The following SLC13A5 variants were observed in gnomAD, a reference collection of about 807,000 sequenced individuals.
The protein encoded by SLC13A5 is solute carrier family 13 member 5.
A neutral mutation model predicts 56.5 loss-of-function variants in SLC13A5; 25 were observed. The ratio of observed to expected loss-of-function variants is 0.44; its 90% CI spans 0.32 to 0.62. SLC13A5 has a LOEUF of 0.62. Ranked by LOEUF, SLC13A5 falls within the 20% of genes least tolerant of loss-of-function variation. SLC13A5 has a pLI of 0.04. For missense variants in SLC13A5, 649 were observed against 737.8 expected, an observed-to-expected ratio of 0.88 and a Z score of 1.39; for synonymous variants, 307 against 301.5, an observed-to-expected ratio of 1.02 and a Z score of -0.19.
In SLC13A5 at chr17:6,693,079, G is replaced by A. The variant is rs1206208725; in HGVS notation, c.1240C>T (p.Leu414=). Residue 414 remains leucine (L), a synonymous_variant, in exon 9 of 12, where the codon CTA becomes TTA. Coordinates refer to ENST00000433363, the MANE Select transcript of SLC13A5 (RefSeq NM_177550.5). ...TTAGCCAGAGCAAATCCGCCCCCTA[G>A]TAGCAGCACGATGCCCCAGGGCACT... ...EKVPWGIVLL[L]GGGFALAKGS... is the part of the protein sequence containing the mutation. 3.1e-5 allele frequency: 50 copies of A among 1,613,962 alleles called. No homozygotes were observed. The highest frequency in any genetic ancestry group is 4.2e-5 in the Non-Finnish European group (49 of 1,180,018).
In SLC13A5 at chr17:6,690,931, G is replaced by T; in HGVS notation, c.1285C>A (p.Leu429Met). ...ALAKGSEASG[L>M]SVWMGKQMEP... ...ATCTGCTTCCCCATCCACACGGACA[G>T]CCCCGAGGCCTGGGAAGCACCAGGA... The change falls in exon 10 of 12, where the codon CTG becomes ATG. Residue 429 changes from leucine to methionine, a missense_variant. Physicochemically the swap from Leu to Met is conservative, Grantham distance 15. Transcript: ENST00000433363. The T allele has an allele frequency of 6.2e-7, 1 of 1,605,998 alleles. No individual in the cohort carries two copies. Among genetic ancestry groups the T allele is most frequent in the African/African-American group, 1.3e-5 (1 of 74,828 alleles).
At position 6,701,234 on chromosome 17, in the gene SLC13A5, G is replaced by A. The variant is rs1973705351; in HGVS notation, c.717-108C>T. ...TGGGCCCTGAGAGGCGCGCCTGTGTGGAGGCCACATCCTCCTGAGGTCTAG... is the reference window on the plus strand; with the variant it reads ...TGGGCCCTGAGAGGCGCGCCTGTGTAGAGGCCACATCCTCCTGAGGTCTAG... On this transcript the variant is annotated intron_variant, in intron 5 of 11. Coordinates refer to ENST00000433363, the MANE Select transcript of SLC13A5 (RefSeq NM_177550.5). This position sits in a 1 kb window ranked among gnomAD's most constrained non-coding sequence, Gnocchi z 4.1. The A allele has an allele frequency of 6.8e-7, 1 of 1,471,540 alleles. No individual in the cohort carries two copies. Among genetic ancestry groups the A allele is most frequent in the Non-Finnish European group, 9.2e-7 (1 of 1,088,322 alleles). The allele number at this position is 1,471,540 out of a possible 1,614,324, so 91.2% of individuals were successfully genotyped here. A position where few individuals can be genotyped will look rare whatever the true frequency, so the allele number is the denominator to read the frequency against.
Position 6,692,033 on chromosome 17 carries a change from G to A in SLC13A5, c.1275+1011C>T, listed in dbSNP as rs73976239. ...CTCCCTAGTCTGTGAAGTCTGCCACGAACAGGGACCGTATCTCAATCTCCT... is the reference window on the plus strand; with the variant it reads ...CTCCCTAGTCTGTGAAGTCTGCCACAAACAGGGACCGTATCTCAATCTCCT... On this transcript the variant is annotated intron_variant, in intron 9 of 11. Transcript: ENST00000433363. This position sits in a 1 kb window ranked among gnomAD's most constrained non-coding sequence, Gnocchi z 5.5. 8.7e-4 allele frequency among the ~76,000 whole-genome samples: 133 copies of A among 152,214 alleles called. No individual in the cohort carries two copies. Among genetic ancestry groups the A allele is most frequent in the African/African-American group, 2.9e-3 (122 of 41,524 alleles).
At chr17:6,712,513 T>A (rs182509756) in intron 1 of SLC13A5, among the ~76,000 whole-genome samples, 266 of 152,356 alleles carry the variant, frequency 1.7e-3, no homozygotes, top group Non-Finnish European at 2.6e-3. Flanking sequence ...CTCCAGGTCC[T>A]GCCACCCAAG....
intron 7 of SLC13A5, among the ~76,000 whole-genome samples, chr17:6,694,723 C>G (rs1256723356): frequency 1.3e-5 from 2 of 152,202 alleles, no homozygotes; most frequent in East Asian, 3.9e-4. Flanking sequence ...ACTTCCCCCT[C>G]TCAGCGTGCA....
Position 6,701,937 on chromosome 17 carries a change from G to T in SLC13A5, c.717-811C>A, listed in dbSNP as rs1973725655. The stretch of plus-strand genomic sequence containing the variant: ...CCCCGGGGCTCTGCTAGCCCCAGGG[G>T]CGCCCCCTTTAGCTCAAGAGTGTCA... On this transcript the variant is annotated intron_variant, in intron 5 of 11. Transcript: ENST00000433363. This position sits in a 1 kb window ranked among gnomAD's most constrained non-coding sequence, Gnocchi z 4.1. Among the ~76,000 whole-genome samples the T allele has an allele frequency of 6.6e-6, 1 of 152,122 alleles. No individual in the cohort carries two copies. The highest frequency in any genetic ancestry group is 1.5e-5 in the Non-Finnish European group (1 of 68,016).
In SLC13A5 at chr17:6,690,903, T is replaced by C; in HGVS notation, c.1313A>G (p.Glu438Gly). The change falls in exon 10 of 12, where the codon GAG becomes GGG. Residue 438 changes from glutamate to glycine, a missense_variant. Coordinates refer to ENST00000433363, the MANE Select transcript of SLC13A5 (RefSeq NM_177550.5). ...GLSVWMGKQM[E>G]PLHAVPPAAI... ...TGCCGGGGGCACTGCGTGCAAGGGC[T>C]CCATCTGCTTCCCCATCCACACGGA... 1 of 1,613,396 alleles carries C rather than the reference T, an allele frequency of 6.2e-7. No individual in the cohort carries two copies. The highest frequency in any genetic ancestry group is 1.1e-5 in the South Asian group (1 of 91,034).
chr17:6,693,229 A>C lies in SLC13A5; in HGVS notation c.1157-67T>G, dbSNP rs1343029143. Reference sequence around the variant, plus strand: ...CACACACACACACACACACACACACACCAGAGCAGCATTAGAAGACAAAAG... The same window carrying C: ...CACACACACACACACACACACACACCCCAGAGCAGCATTAGAAGACAAAAG... On this transcript the variant is annotated intron_variant, in intron 8 of 11. Coordinates refer to ENST00000433363, the MANE Select transcript of SLC13A5 (RefSeq NM_177550.5). 39 of 898,450 alleles carry C rather than the reference A, an allele frequency of 4.3e-5. 1 individual carries two copies. The South Asian group carries it at 5.4e-4, about 12-fold the overall frequency. The allele number at this position is 898,450 out of a possible 1,614,324, so 55.7% of individuals were successfully genotyped here. A position where few individuals can be genotyped will look rare whatever the true frequency, so the allele number is the denominator to read the frequency against.
Position 6,701,682 on chromosome 17 carries a change from C to T in SLC13A5, c.717-556G>A, listed in dbSNP as rs1044186350. Among the ~76,000 whole-genome samples the T allele has an allele frequency of 6.6e-6, 1 of 152,198 alleles. No homozygotes were observed. The highest frequency in any genetic ancestry group is 2.4e-5 in the African/African-American group (1 of 41,448). Reference sequence around the variant, plus strand: ...CCAACATCGCGCCACTGCACTCCAGCCTGGGCGACAGAGCGAGACTTGTCT... The same window carrying T: ...CCAACATCGCGCCACTGCACTCCAGTCTGGGCGACAGAGCGAGACTTGTCT... On this transcript the variant is annotated intron_variant, in intron 5 of 11. Transcript: ENST00000433363. The surrounding 1 kb of genome is among the most constrained non-coding windows in gnomAD (Gnocchi z 4.1).
Position 6,686,251 on chromosome 17 carries a change from C to T in SLC13A5, c.1663G>A (p.Asp555Asn). The change falls in exon 12 of 12, where the codon GAT becomes AAT. Residue 555 changes from aspartate (D) to asparagine (N), a missense_variant. Coordinates refer to ENST00000433363, the MANE Select transcript of SLC13A5 (RefSeq NM_177550.5). ...NTWGRAIFDL[D>N]HFPDWANVTH... The stretch of plus-strand genomic sequence containing the variant: ...ACATTAGCCCAGTCAGGGAAATGAT[C>T]CAAGTCAAATATGGCCCGTCCCCAG... 6 of 1,614,118 alleles carry T rather than the reference C, an allele frequency of 3.7e-6. No individual in the cohort carries two copies. Among genetic ancestry groups the T allele is most frequent in the Non-Finnish European group, 4.2e-6 (5 of 1,180,026 alleles).
intron 1 of SLC13A5, among the ~76,000 whole-genome samples, chr17:6,712,117 C>T (rs976227958): frequency 2.0e-5 from 3 of 152,216 alleles, no homozygotes; most frequent in Non-Finnish European, 2.9e-5. Flanking sequence ...AGCACAGGCA[C>T]TTGGCTAAAG....
chr17:6,691,106 C>G (rs1284306233), intron 9 of SLC13A5, among the ~76,000 whole-genome samples, 166 bp from the exon 10 acceptor site: 1 of 152,244 alleles, frequency 6.6e-6, no homozygotes, highest in African/African-American at 2.4e-5. Flanking sequence ...TCTGCTGTCT[C>G]CTAAATCTGT....
intron 6 of SLC13A5, among the ~76,000 whole-genome samples, chr17:6,697,400 C>T (rs1973589829): frequency 1.3e-5 from 2 of 152,208 alleles, no homozygotes; most frequent in Admixed American, 1.3e-4. Flanking sequence ...TCTTCCAATG[C>T]CAGTGCCCCA....
In SLC13A5 at chr17:6,692,154, TGG is replaced by T. The variant is rs1162382955; in HGVS notation, c.1275+888_1275+889del. Among the ~76,000 whole-genome samples the T allele has an allele frequency of 6.6e-6, 1 of 150,742 alleles. No individual in the cohort carries two copies. Among genetic ancestry groups the T allele is most frequent in the Non-Finnish European group, 1.5e-5 (1 of 67,622 alleles). ...ATGGATGGATGGATGGATGGATGGA[TGG>T]ATGGATGGATAGATGGGTGGATGGA... On this transcript the variant is annotated intron_variant, in intron 9 of 11. Transcript: ENST00000433363. The surrounding 1 kb of genome is among the most constrained non-coding windows in gnomAD (Gnocchi z 5.5).
intron 1 of SLC13A5, among the ~76,000 whole-genome samples, chr17:6,709,419 G>A (rs963927119): frequency 4.6e-5 from 7 of 151,916 alleles, no homozygotes; most frequent in African/African-American, 4.8e-5. Context: ...ACAGACAAGC[G>A]CCACCACGCC....
chr17:6,703,490 A>G (rs1199288992), intron 4 of SLC13A5, among the ~76,000 whole-genome samples: 1 of 152,182 alleles, frequency 6.6e-6, no homozygotes, highest in Non-Finnish European at 1.5e-5. Flanking sequence ...CCCCAGACCT[A>G]TGGGAGCAGA....
In SLC13A5 at chr17:6,707,008, G is replaced by T; in HGVS notation, c.231+20C>A. The T allele has an allele frequency of 6.2e-7, 1 of 1,613,470 alleles. No homozygotes were observed. The highest frequency in any genetic ancestry group is 8.5e-7 in the Non-Finnish European group (1 of 1,179,890). The stretch of plus-strand genomic sequence containing the variant: ...AAGGGGAGAACCAGAAAGTCACCAG[G>T]ATCCCTTGGGTCTGCTCACCTGCCT... On this transcript the variant is annotated intron_variant, in intron 2 of 11. Coordinates refer to ENST00000433363, the MANE Select transcript of SLC13A5 (RefSeq NM_177550.5).
intron 10 of SLC13A5, chr17:6,689,767 C>T (rs1973347174): frequency 6.6e-6 from 1 of 152,056 alleles, no homozygotes; most frequent in Non-Finnish European, 1.5e-5. Flanking sequence ...ATGCAGACGC[C>T]CAGGCAGCCG....
chr17:6,693,522 G>A, intron 8 of SLC13A5: 1 of 171,232 alleles, frequency 5.8e-6, no homozygotes, highest in Admixed American at 6.1e-5. Context: ...ACCCTCAAAG[G>A]AAAAGCTATA....
Sources: gnomAD v4.1 joint callset for allele counts (sites outside exome capture counted in the v4.1 genomes callset) on GRCh38, gnomAD v4.1.1 for gene constraint, Gnocchi (gnomAD v3.1) non-coding constraint, MANE v1.5 for transcripts, NCBI Gene and HGNC (gene_info 2026-07-23, HGNC 2026-07-21) for gene names.